SIPA1L1: variants seen among roughly 807,000 people sequenced by gnomAD.
SIPA1L1 encodes signal-induced proliferation-associated 1-like protein 1.
Under a neutral mutation model 162.7 loss-of-function variants are expected in SIPA1L1, and 26 were observed. The ratio of observed to expected loss-of-function variants is 0.16; its 90% CI spans 0.12 to 0.22. The LOEUF (loss-of-function observed/expected upper bound fraction) is 0.22. SIPA1L1 is among the 10% of genes least tolerant of loss of function. SIPA1L1 has a pLI of 1.00. For synonymous variants in SIPA1L1, 829 were observed against 837.4 expected, an observed-to-expected ratio of 0.99 and a Z score of 0.17; for missense variants, 1,874 against 2,241.0, an observed-to-expected ratio of 0.84 and a Z score of 3.31.
intron 2 of SIPA1L1, among the ~76,000 whole-genome samples, chr14:71,452,532 G>A (rs959407985): frequency 6.6e-6 from 1 of 151,946 alleles, no homozygotes; most frequent in African/African-American, 2.4e-5. Flanking sequence ...TTTCTGTTAG[G>A]CATCTATACC....
In SIPA1L1 at chr14:71,616,991, G is replaced by A. The variant is rs1015041301; in HGVS notation, c.1499-1766G>A. On this transcript the variant is annotated intron_variant, in intron 5 of 23. Transcript: ENST00000381232. ...GTTTTTATTAGAGTCCATGAAGTAC[G>A]AGGACCAGGTAATGAGTGTGACTCA... 7.9e-5 allele frequency among the ~76,000 whole-genome samples: 12 copies of A among 152,268 alleles called. No homozygotes were observed. The South Asian group carries it at 8.3e-4, about 11-fold the overall frequency.
chr14:71,375,395 C>T (rs2039281708), intron 2 of SIPA1L1, among the ~76,000 whole-genome samples: 2 of 152,136 alleles, frequency 1.3e-5, no homozygotes, highest in African/African-American at 4.8e-5. Flanking sequence ...TCCTAATTGT[C>T]TGCTACTAAT....
intron 2 of SIPA1L1, among the ~76,000 whole-genome samples, chr14:71,443,664 T>C (rs575583733): frequency 6.6e-6 from 1 of 152,322 alleles, no homozygotes; most frequent in African/African-American, 2.4e-5. Flanking sequence ...TGAGCTTGTG[T>C]TATGCTAAGC....
intron 7 of SIPA1L1, among the ~76,000 whole-genome samples, chr14:71,637,252 T>A (rs2041252307): frequency 6.6e-6 from 1 of 151,948 alleles, no homozygotes; most frequent in Admixed American, 6.5e-5. Context: ...CGGTAGTCCC[T>A]CAGTATTCAT....
chr14:71,653,289 T>G (rs2042781323), intron 8 of SIPA1L1, among the ~76,000 whole-genome samples: 1 of 152,184 alleles, frequency 6.6e-6, no homozygotes. Context: ...GTGTGAACTG[T>G]GGAATTGTTT....
Position 71,672,250 on chromosome 14 carries a change from T to C in SIPA1L1, c.2830-98T>C, listed in dbSNP as rs560832043. Reference sequence around the variant, plus strand: ...CTGCTCTTCAGCTGGCAATAAGGTATTCAGAACTAACCCTGCTTGCAATGA... The same window carrying C: ...CTGCTCTTCAGCTGGCAATAAGGTACTCAGAACTAACCCTGCTTGCAATGA... On this transcript the variant is annotated intron_variant, in intron 11 of 23. Transcript: ENST00000381232. The C allele has an allele frequency of 2.1e-5, 26 of 1,250,974 alleles. No individual in the cohort carries two copies. The South Asian group carries it at 3.4e-4, about 16-fold the overall frequency. 77.5% of individuals were successfully genotyped at this position (1,250,974 alleles called of 1,614,324 possible). A position where few individuals can be genotyped will look rare whatever the true frequency, so the allele number is the denominator to read the frequency against.
chr14:71,557,853 A>G lies in SIPA1L1; in HGVS notation c.-303+28483A>G, dbSNP rs900097716. ...TAACTGCTATATTTCTAATTTGTACAAGTTCAATTTTTTAGAAATATATAA... is the reference window on the plus strand; with the variant it reads ...TAACTGCTATATTTCTAATTTGTACGAGTTCAATTTTTTAGAAATATATAA... On this transcript the variant is annotated intron_variant, in intron 4 of 23. Coordinates refer to ENST00000381232, the MANE Select transcript of SIPA1L1 (RefSeq NM_001386936.1). Among the ~76,000 whole-genome samples, 19 of 152,170 alleles carry G rather than the reference A, an allele frequency of 1.2e-4. 1 individual carries two copies. Among genetic ancestry groups the G allele is most frequent in the African/African-American group, 3.6e-4 (15 of 41,450 alleles).
At chr14:71,452,744 T>C (rs1343323532) in intron 2 of SIPA1L1, among the ~76,000 whole-genome samples, 1 of 152,212 alleles carries the variant, frequency 6.6e-6, no homozygotes, top group Non-Finnish European at 1.5e-5. Flanking sequence ...TATGAAGTGG[T>C]ATTTGTTGTT....
intron 22 of SIPA1L1, among the ~76,000 whole-genome samples, chr14:71,736,516 T>C (rs1016000043): frequency 3.9e-5 from 6 of 152,200 alleles, no homozygotes; most frequent in Non-Finnish European, 8.8e-5. Flanking sequence ...AACTGGGGCT[T>C]GCCATTGAGG....
intron 4 of SIPA1L1, among the ~76,000 whole-genome samples, chr14:71,556,255 G>A (rs774614878): frequency 5.9e-5 from 9 of 152,058 alleles, no homozygotes; most frequent in East Asian, 1.9e-4. Context: ...CTCTCAAACC[G>A]TGTCTTTCCT....
chr14:71,685,722 A>T, intron 13 of SIPA1L1, 91 bp downstream of exon 13: 1 of 1,473,140 alleles, frequency 6.8e-7, no homozygotes, highest in East Asian at 2.3e-5. Context: ...GCCTTCTCAT[A>T]TTTTACTAGA....
At chr14:71,665,139 GATAA>G (rs1320432367) in intron 10 of SIPA1L1, among the ~76,000 whole-genome samples, 3 of 152,170 alleles carry the variant, frequency 2.0e-5, no homozygotes, top group Admixed American at 2.0e-4. Flanking sequence ...TACACAGAAA[GATAA>G]ATTTGGAGAC....
At chr14:71,430,778 T>G (rs182052994) in intron 2 of SIPA1L1, among the ~76,000 whole-genome samples, 210 of 152,320 alleles carry the variant, frequency 1.4e-3, no homozygotes, top group Non-Finnish European at 2.5e-3. Context: ...TTTCCTTGCT[T>G]GCAATTTCTC....
chr14:71,734,315 G>A (rs991929957), intron 21 of SIPA1L1, among the ~76,000 whole-genome samples: 1 of 152,232 alleles, frequency 6.6e-6, no homozygotes. Flanking sequence ...TTAGGCTGGC[G>A]GTTCTTAAAT....
At chr14:71,635,389 A>G (rs1289679224) in intron 7 of SIPA1L1, among the ~76,000 whole-genome samples, 1 of 152,230 alleles carries the variant, frequency 6.6e-6, no homozygotes, top group African/African-American at 2.4e-5. Context: ...TTATTTTGCC[A>G]TTTGAAGCAA....
At chr14:71,663,408 G>T (rs1275528612) in intron 10 of SIPA1L1, among the ~76,000 whole-genome samples, 1 of 152,126 alleles carries the variant, frequency 6.6e-6, no homozygotes, top group Non-Finnish European at 1.5e-5. Flanking sequence ...TGAAAAGGTA[G>T]ATTTAATATA....
At chr14:71,332,198 T>G (rs2034623428) in intron 2 of SIPA1L1, among the ~76,000 whole-genome samples, 1 of 152,192 alleles carries the variant, frequency 6.6e-6, no homozygotes, top group African/African-American at 2.4e-5. Context: ...GGTGGGTCTC[T>G]AAGGAGTAAT....
chr14:71,606,997 G>A (rs566567787), intron 5 of SIPA1L1, among the ~76,000 whole-genome samples: 4 of 151,972 alleles, frequency 2.6e-5, no homozygotes, highest in African/African-American at 9.7e-5. Context: ...CATAGAAGAT[G>A]TGACACCAAA....
chr14:71,421,168 C>G (rs1346141639), intron 2 of SIPA1L1, among the ~76,000 whole-genome samples: 3 of 152,166 alleles, frequency 2.0e-5, no homozygotes, highest in Non-Finnish European at 4.4e-5. Context: ...GTTTTATGAG[C>G]TACTTTTTAT....
Sources: gnomAD v4.1 joint callset for allele counts (sites outside exome capture counted in the v4.1 genomes callset) on GRCh38, gnomAD v4.1.1 for gene constraint, MANE v1.5 for transcripts, NCBI Gene and HGNC (gene_info 2026-07-23, HGNC 2026-07-21) for gene names.